Variants in DIAPH3 observed in about 807,000 individuals in gnomAD.
DIAPH3 encodes the protein protein diaphanous homolog 3.
In DIAPH3, 117 loss-of-function variants were observed where a neutral mutation model predicts 144.3. That is an observed-to-expected ratio of 0.81 (90% confidence interval 0.70 to 0.95). DIAPH3 has a LOEUF of 0.95. Ranked by LOEUF, DIAPH3 falls within the 40% of genes least tolerant of loss-of-function variation. The pLI is 0.00. For missense variants in DIAPH3, 1,421 were observed against 1,412.7 expected (o/e 1.01, Z -0.09); for synonymous variants, 519 against 488.9 (o/e 1.06, Z -0.81).
Position 59,774,242 on chromosome 13 carries a change from C to G in DIAPH3, c.3266G>C (p.Arg1089Pro), listed in dbSNP as rs759456145. ...CTGAGACATTGGACTGAGACTCTGC[C>G]GAACATCTGTTAAAAAAAAAAATAA... ...RKRTPMPKDV[R>P]QSLSPMSQRP... is the part of the protein sequence containing the mutation. The change falls in exon 27 of 28, where the codon CGG becomes CCG. Residue 1089 changes from arginine to proline, a missense_variant. Physicochemically the swap from Arg to Pro is moderately radical, Grantham distance 103. Coordinates refer to ENST00000400324, the MANE Select transcript of DIAPH3 (RefSeq NM_001042517.2). The G allele has an allele frequency of 7.9e-5, 128 of 1,611,510 alleles. No homozygotes were observed. In the South Asian group the frequency reaches 1.3e-3, roughly 16 times the overall value.
At chr13:60,130,341 C>A (rs2059107608) in intron 2 of DIAPH3, among the ~76,000 whole-genome samples, 1 of 152,174 alleles carries the variant, frequency 6.6e-6, no homozygotes, top group Non-Finnish European at 1.5e-5. Context: ...ACCCAAGAGA[C>A]AAGCTAAAGC....
At position 59,692,389 on chromosome 13, in the gene DIAPH3, T is replaced by G. The variant is rs555662710; in HGVS notation, c.3320-25543A>C. On this transcript the variant is annotated intron_variant, in intron 27 of 27. Transcript: ENST00000400324. ...TTTCAGACCTTTTACATCCCCCTAC[T>G]TCCCTGACTGACACCCCCAACCCCC... Among the ~76,000 whole-genome samples, 193 of 150,910 alleles carry G rather than the reference T, an allele frequency of 1.3e-3. 1 individual carries two copies. Among genetic ancestry groups the G allele is most frequent in the Non-Finnish European group, 5.0e-4 (34 of 67,722 alleles).
chr13:59,916,341 C>A, intron 18 of DIAPH3, 92 bp from the exon 19 acceptor site: 3 of 984,074 alleles, frequency 3.0e-6, no homozygotes, highest in Non-Finnish European at 4.7e-6. Flanking sequence ...AAAATAAATT[C>A]ATAAAACAAG....
intron 27 of DIAPH3, among the ~76,000 whole-genome samples, chr13:59,717,238 C>T (rs983095766): frequency 2.0e-5 from 3 of 152,164 alleles, no homozygotes; most frequent in African/African-American, 2.4e-5. Flanking sequence ...ATTTATAAAA[C>T]AGCAGTTAAA....
intron 27 of DIAPH3, among the ~76,000 whole-genome samples, chr13:59,756,448 G>GGAAGGAAGGAAGGAAA (rs1555289851): frequency 0.024 from 3,079 of 125,898 alleles, 94 homozygotes; most frequent in African/African-American, 0.083. Context: ...AAGGAAAGAA[G>GGAAGGAAGGAAGGAAA]GAAGGAAGGA....
chr13:59,839,541 T>TTA (rs2042227892), intron 22 of DIAPH3, 93 bp from the exon 23 acceptor site: 1 of 1,182,868 alleles, frequency 8.5e-7, no homozygotes, highest in East Asian at 2.6e-5. Flanking sequence ...TGAAAACAAC[T>TTA]CACAATAATG....
intron 21 of DIAPH3, among the ~76,000 whole-genome samples, chr13:59,873,908 G>T (rs1205747242): frequency 1.3e-5 from 2 of 151,994 alleles, no homozygotes; most frequent in Non-Finnish European, 2.9e-5. Context: ...CTGACCTCAG[G>T]TGATAGGCCC....
intron 18 of DIAPH3, among the ~76,000 whole-genome samples, chr13:59,920,732 CA>C (rs1298555179): frequency 6.6e-6 from 1 of 151,608 alleles, no homozygotes; most frequent in East Asian, 1.9e-4. Context: ...AACTCTAGGC[CA>C]AAAGGACCTA....
chr13:59,734,312 G>GA (rs35043766), intron 27 of DIAPH3, among the ~76,000 whole-genome samples: 2 of 152,000 alleles, frequency 1.3e-5, no homozygotes, highest in Non-Finnish European at 2.9e-5. Flanking sequence ...TACTGAGGGT[G>GA]AAAAAAGAAG....
rs114856530 is a variant in DIAPH3 at position 59,679,060 on chromosome 13, C to T, written c.3320-12214G>A. On this transcript the variant is annotated intron_variant, in intron 27 of 27. Coordinates refer to ENST00000400324, the MANE Select transcript of DIAPH3 (RefSeq NM_001042517.2). ...CAGTTTCAATTCTGATGGTTTTTGC[C>T]GAGTCAAAGAATATGAACCTTTATT... Among the ~76,000 whole-genome samples, 666 of 152,146 alleles carry T rather than the reference C, an allele frequency of 4.4e-3. 2 individuals are homozygous for T. Among genetic ancestry groups the T allele is most frequent in the African/African-American group, 0.015 (624 of 41,520 alleles).
intron 17 of DIAPH3, among the ~76,000 whole-genome samples, chr13:59,954,538 T>C (rs9570234): frequency 0.077 from 11,714 of 152,196 alleles, 759 homozygotes; most frequent in East Asian, 0.39. Flanking sequence ...GGGATGACCA[T>C]GTCAGGTGGT....
At chr13:59,686,485 A>G (rs1156701364) in intron 27 of DIAPH3, among the ~76,000 whole-genome samples, 1 of 151,712 alleles carries the variant, frequency 6.6e-6, no homozygotes, top group African/African-American at 2.4e-5. Flanking sequence ...GAAAAGAACA[A>G]ATAAGAAAGC....
chr13:59,823,826 T>C lies in DIAPH3; in HGVS notation c.3027+9281A>G, dbSNP rs571312106. Among the ~76,000 whole-genome samples, 246 of 152,270 alleles carry C rather than the reference T, an allele frequency of 1.6e-3. 1 individual carries two copies. The highest frequency in any genetic ancestry group is 2.9e-3 in the Non-Finnish European group (196 of 68,012). On this transcript the variant is annotated intron_variant, in intron 24 of 27. Coordinates refer to ENST00000400324, the MANE Select transcript of DIAPH3 (RefSeq NM_001042517.2). ...TGGCTGTCCTCCCTATCAAAAACAA[T>C]TTTACACTAAAAATACCCTCTGACT...
chr13:59,895,430 G>GAAAAAAAAAAA (rs529308484), intron 20 of DIAPH3, among the ~76,000 whole-genome samples: 1 of 75,940 alleles, frequency 1.3e-5, no homozygotes, highest in Non-Finnish European at 2.8e-5. Flanking sequence ...AATGTTAAAG[G>GAAAAAAAAAAA]AAAAAAAAAA....
At chr13:60,151,238 G>C (rs537599841) in intron 1 of DIAPH3, among the ~76,000 whole-genome samples, 2 of 152,286 alleles carry the variant, frequency 1.3e-5, no homozygotes, top group South Asian at 4.1e-4. Flanking sequence ...CTGTGCCTAA[G>C]CTATCGTAAC....
intron 4 of DIAPH3, among the ~76,000 whole-genome samples, chr13:60,078,651 C>A (rs996190301): frequency 3.3e-5 from 5 of 151,548 alleles, no homozygotes; most frequent in Middle Eastern, 3.2e-3. Context: ...AAAGAGAGAC[C>A]AAACTGATTT....
At chr13:60,053,603 C>A (rs1184756510) in intron 4 of DIAPH3, among the ~76,000 whole-genome samples, 2 of 152,132 alleles carry the variant, frequency 1.3e-5, no homozygotes, top group African/African-American at 4.8e-5. Flanking sequence ...TAGTAACCCT[C>A]CCCTTTGACC....
chr13:59,863,839 T>C (rs906194403), intron 21 of DIAPH3, among the ~76,000 whole-genome samples: 6 of 152,112 alleles, frequency 3.9e-5, no homozygotes, highest in African/African-American at 4.8e-5. Context: ...CCTAGACAAA[T>C]AGTCACTAAC....
chr13:60,002,233 A>T (rs2052566439), intron 9 of DIAPH3, among the ~76,000 whole-genome samples: 1 of 152,202 alleles, frequency 6.6e-6, no homozygotes, highest in African/African-American at 2.4e-5. Context: ...TGAGGCAAAT[A>T]CTTCAGACAG....
Sources: gnomAD v4.1 joint callset for allele counts (sites outside exome capture counted in the v4.1 genomes callset) on GRCh38, gnomAD v4.1.1 for gene constraint, MANE v1.5 for transcripts, NCBI Gene and HGNC (gene_info 2026-07-23, HGNC 2026-07-21) for gene names.